SH3BP5: variants seen among roughly 807,000 people sequenced by gnomAD.
SH3BP5 encodes the protein SH3 domain binding protein 5.
In SH3BP5, 22 loss-of-function variants were observed where a neutral mutation model predicts 43.3. The observed-to-expected ratio is 0.51, with a 90% CI of 0.36 to 0.73. SH3BP5 has a LOEUF of 0.73. Among genes scored for constraint, SH3BP5 ranks in the 30% least tolerant of loss-of-function variants. SH3BP5 has a pLI of 0.00. For missense variants in SH3BP5, 529 were observed against 586.9 expected (o/e 0.90, Z 1.02); for synonymous variants, 255 against 225.8 (o/e 1.13, Z -1.16).
intron 3 of SH3BP5, among the ~76,000 whole-genome samples, chr3:15,276,371 T>C (rs112141424): frequency 2.6e-5 from 4 of 152,336 alleles, no homozygotes; most frequent in African/African-American, 9.6e-5. Flanking sequence ...CATAGCTGTT[T>C]AGTGGCCCCC....
intron 2 of SH3BP5, among the ~76,000 whole-genome samples, 187 bp downstream of exon 2, chr3:15,330,317 G>A (rs187279642): frequency 2.6e-5 from 4 of 152,352 alleles, no homozygotes; most frequent in Admixed American, 6.5e-5. Context: ...ATGTGCAATT[G>A]GATCCACATG....
intron 2 of SH3BP5, among the ~76,000 whole-genome samples, chr3:15,326,834 C>T (rs1274578964): frequency 6.6e-6 from 1 of 152,202 alleles, no homozygotes; most frequent in Non-Finnish European, 1.5e-5. Flanking sequence ...TGAGCACGAG[C>T]AGGCTGTGAT....
chr3:15,255,809 A>G lies in SH3BP5; in HGVS notation c.*277T>C, dbSNP rs1696173165. 6.0e-6 allele frequency: 2 copies of G among 334,396 alleles called. No homozygotes were observed. The highest frequency in any genetic ancestry group is 1.1e-5 in the Non-Finnish European group (2 of 181,684). The allele number at this position is 334,396 out of a possible 1,614,324, so 20.7% of individuals were successfully genotyped here. Reference sequence around the variant, plus strand: ...TCCCAGCTCTGGTTCTTTCATAGGAACTAGTTATTGCTTCCACAATGCCGT... The same window carrying G: ...TCCCAGCTCTGGTTCTTTCATAGGAGCTAGTTATTGCTTCCACAATGCCGT... On this transcript the variant is annotated 3_prime_UTR_variant, in exon 9 of 9. Transcript: ENST00000383791.
intron 2 of SH3BP5, among the ~76,000 whole-genome samples, chr3:15,320,554 G>C (rs1698296263): frequency 6.7e-6 from 1 of 149,190 alleles, no homozygotes; most frequent in African/African-American, 2.5e-5. Flanking sequence ...AAGTTACCTG[G>C]GCTGCCTGCC....
At position 15,283,168 on chromosome 3, in the gene SH3BP5, C is replaced by T. The variant is rs144206283; in HGVS notation, c.331-13291G>A. 1.1e-4 allele frequency among the ~76,000 whole-genome samples: 16 copies of T among 152,258 alleles called. 1 individual carries two copies. The highest frequency in any genetic ancestry group is 3.6e-4 in the African/African-American group (15 of 41,560). ...ATCTCAGCACTTTGGGAGGCCAAGG[C>T]GGGTGGATCACATGAGGCCAGAAGT... On this transcript the variant is annotated intron_variant, in intron 3 of 8. Transcript: ENST00000383791.
chr3:15,314,609 G>A (rs1003086637), intron 2 of SH3BP5, among the ~76,000 whole-genome samples: 1 of 152,196 alleles, frequency 6.6e-6, no homozygotes, highest in Non-Finnish European at 1.5e-5. Context: ...AGACCACCAG[G>A]GAGCTGGAGC....
intron 8 of SH3BP5, chr3:15,256,597 A>G (rs964065714): frequency 2.9e-5 from 17 of 593,044 alleles, no homozygotes; most frequent in African/African-American, 5.6e-5. Context: ...CCTCTCTACT[A>G]TGTGCTTGCC....
chr3:15,255,328 A>C lies in SH3BP5; in HGVS notation c.*758T>G, dbSNP rs569897354. On this transcript the variant is annotated 3_prime_UTR_variant, in exon 9 of 9. Coordinates refer to ENST00000383791, the MANE Select transcript of SH3BP5 (RefSeq NM_004844.5). ...TTCACATGCACTTCTCTTAGAATAA[A>C]TCCCCTTGGCTGGCAGGATAAGGCT... 5.2e-5 allele frequency: 8 copies of C among 152,736 alleles called. No homozygotes were observed. Among genetic ancestry groups the C allele is most frequent in the Admixed American group, 5.2e-4 (8 of 15,302 alleles). The allele number at this position is 152,736 out of a possible 1,614,324, so 9.5% of individuals were successfully genotyped here.
intron 3 of SH3BP5, among the ~76,000 whole-genome samples, chr3:15,273,949 G>T (rs1405042082): frequency 1.3e-5 from 2 of 152,128 alleles, no homozygotes; most frequent in East Asian, 3.9e-4. Context: ...CTGCTATAAA[G>T]AAATACCTAT....
intron 3 of SH3BP5, among the ~76,000 whole-genome samples, chr3:15,303,610 C>T (rs1284001208): frequency 6.6e-6 from 1 of 151,558 alleles, no homozygotes; most frequent in Non-Finnish European, 1.5e-5. Context: ...GACAAAGAAC[C>T]AAAGTTTCAG....
At chr3:15,280,258 A>C (rs1174536739) in intron 3 of SH3BP5, among the ~76,000 whole-genome samples, 1 of 151,868 alleles carries the variant, frequency 6.6e-6, no homozygotes, top group Non-Finnish European at 1.5e-5. Context: ...GTGCGCCCAC[A>C]TTCCTCCTCA....
At chr3:15,310,414 T>TA (rs1421137348) in intron 2 of SH3BP5, among the ~76,000 whole-genome samples, 3 of 152,254 alleles carry the variant, frequency 2.0e-5, no homozygotes, top group African/African-American at 7.2e-5. Flanking sequence ...CAATTGAACT[T>TA]AGACTTTCTG....
chr3:15,285,611 G>A (rs1275151885), intron 3 of SH3BP5, among the ~76,000 whole-genome samples: 16 of 152,098 alleles, frequency 1.1e-4, no homozygotes, highest in Non-Finnish European at 2.2e-4. Flanking sequence ...TACATCTCAC[G>A]AATTATTTCA....
Position 15,262,207 on chromosome 3 carries a change from C to T in SH3BP5, c.578G>A (p.Arg193His), listed in dbSNP as rs763726436. Residue 193 changes from arginine (R) to histidine (H), a missense_variant, in exon 5 of 9, where the codon CGC (arginine) becomes CAC (histidine). Arg to His is a conservative substitution (Grantham distance 29). Transcript: ENST00000383791. ...GAGTTTCTTCTCCAGCTGTCGCATG[C>T]GGCCCATGGCGGCATTGTACCTGGC... ...TAARYNAAMG[R>H]MRQLEKKLKR... The T allele has an allele frequency of 5.0e-6, 8 of 1,614,024 alleles. No homozygotes were observed. Among genetic ancestry groups the T allele is most frequent in the Admixed American group, 3.3e-5 (2 of 59,998 alleles).
chr3:15,264,486 C>T (rs553793999), intron 4 of SH3BP5: 3 of 152,120 alleles, frequency 2.0e-5, no homozygotes, highest in Admixed American at 6.5e-5. Context: ...ATATTTGACA[C>T]GAGAAAATTT....
At chr3:15,261,550 T>TC (rs934418784) in intron 5 of SH3BP5, among the ~76,000 whole-genome samples, 1 of 152,260 alleles carries the variant, frequency 6.6e-6, no homozygotes, top group African/African-American at 2.4e-5. Context: ...TAAGTCTAGG[T>TC]CATCATAAGT....
In SH3BP5 at chr3:15,256,913, C is replaced by T. The variant is rs1240092302; in HGVS notation, c.1090G>A (p.Val364Met). ...CTGCATTCACTTCGAGGGCCCAACA[C>T]TGGGAACATCATCCCAAACTCTGAC... is the stretch of plus-strand genomic sequence containing the variant. The part of the protein sequence containing the change: ...SLSEFGMMFP[V>M]LGPRSECSGA... The change falls in exon 8 of 9, where the codon GTG becomes ATG. Residue 364 changes from valine to methionine, a missense_variant. Coordinates refer to ENST00000383791, the MANE Select transcript of SH3BP5 (RefSeq NM_004844.5). 2 of 1,614,072 alleles carry T rather than the reference C, an allele frequency of 1.2e-6. No homozygotes were observed. Among genetic ancestry groups the T allele is most frequent in the African/African-American group, 2.7e-5 (2 of 74,946 alleles).
chr3:15,259,560 G>A, intron 6 of SH3BP5: 3 of 667,894 alleles, frequency 4.5e-6, no homozygotes, highest in Non-Finnish European at 2.7e-6. Context: ...AACAGAGAAG[G>A]TGACTGAATG....
intron 7 of SH3BP5, 117 bp from the exon 8 acceptor site, chr3:15,257,230 G>T: frequency 9.6e-7 from 1 of 1,043,096 alleles, no homozygotes; most frequent in South Asian, 1.6e-5. Context: ...CTCTACCTCT[G>T]TGAGTGCCTA....
Sources: gnomAD v4.1 joint callset for allele counts (sites outside exome capture counted in the v4.1 genomes callset) on GRCh38, gnomAD v4.1.1 for gene constraint, MANE v1.5 for transcripts, NCBI Gene and HGNC (gene_info 2026-07-23, HGNC 2026-07-21) for gene names.